The following KIAA1217 variants were observed in gnomAD, a reference collection of about 807,000 sequenced individuals.
The protein encoded by KIAA1217 is sickle tail protein homolog.
A neutral mutation model predicts 163.9 loss-of-function variants in KIAA1217; 88 were observed. The observed-to-expected ratio is 0.54, with a 90% CI of 0.45 to 0.64. KIAA1217 has a LOEUF of 0.64. Among genes scored for constraint, KIAA1217 ranks in the 30% least tolerant of loss-of-function variants. The probability of loss-of-function intolerance (pLI) is 0.00; values close to 1 mark genes in which losing one functional copy is unlikely to be tolerated. For missense variants in KIAA1217, 2,372 were observed against 2,475.0 expected, an observed-to-expected ratio of 0.96 and a Z score of 0.88; for synonymous variants, 903 against 923.1, an observed-to-expected ratio of 0.98 and a Z score of 0.39.
chr10:23,888,774 A>AT (rs1200936634), intron 1 of KIAA1217, among the ~76,000 whole-genome samples: 3 of 151,898 alleles, frequency 2.0e-5, no homozygotes, highest in Non-Finnish European at 4.4e-5. Flanking sequence ...AAAATGTAAA[A>AT]TTCCAACACC....
chr10:24,232,412 A>T (rs567500348), intron 2 of KIAA1217, among the ~76,000 whole-genome samples: 25 of 152,266 alleles, frequency 1.6e-4, no homozygotes, highest in African/African-American at 5.8e-4. Flanking sequence ...ATATCTTGAG[A>T]ACAGTGCTAT....
At chr10:24,397,955 C>A (rs1591600708) in intron 3 of KIAA1217, among the ~76,000 whole-genome samples, 1 of 152,252 alleles carries the variant, frequency 6.6e-6, no homozygotes, top group Non-Finnish European at 1.5e-5. Flanking sequence ...TGACATTGGG[C>A]AAGTTAATCA....
intron 2 of KIAA1217, among the ~76,000 whole-genome samples, chr10:24,341,132 A>G (rs576641022): frequency 6.8e-4 from 104 of 152,376 alleles, no homozygotes; most frequent in African/African-American, 2.3e-3. Context: ...CAAAATAACC[A>G]TCACAGTGCA....
At chr10:23,878,512 C>T (rs980544182) in intron 1 of KIAA1217, among the ~76,000 whole-genome samples, 1 of 151,766 alleles carries the variant, frequency 6.6e-6, no homozygotes, top group Non-Finnish European at 1.5e-5. Context: ...CCCTCTTGAG[C>T]CTGTATTTTG....
Position 24,346,427 on chromosome 10 carries a change from G to T in KIAA1217, c.355-34442G>T, listed in dbSNP as rs190656816. Among the ~76,000 whole-genome samples the T allele has an allele frequency of 7.6e-3, 1,156 of 151,954 alleles. 69 individuals are homozygous for T. In the East Asian group the frequency reaches 0.14, roughly 19 times the overall value. Reference sequence around the variant, plus strand: ...GCGGAGCTTGCAGTGAGCCGAGATCGTGCCACTGCACTCCAGCCTGGGGGA... The same window carrying T: ...GCGGAGCTTGCAGTGAGCCGAGATCTTGCCACTGCACTCCAGCCTGGGGGA... On this transcript the variant is annotated intron_variant, in intron 2 of 20. Transcript: ENST00000376454.
At chr10:23,720,520 A>G (rs1298933569) in intron 1 of KIAA1217, among the ~76,000 whole-genome samples, 1 of 152,116 alleles carries the variant, frequency 6.6e-6, no homozygotes, top group African/African-American at 2.4e-5. Context: ...GACTGATAGA[A>G]TGAACGAGGG....
At chr10:24,520,062 C>A in intron 10 of KIAA1217, 61 bp from the exon 11 acceptor site, 1 of 1,546,996 alleles carries the variant, frequency 6.5e-7, no homozygotes, top group Non-Finnish European at 8.8e-7. Context: ...CACTCGGCCC[C>A]TCCTCTTCCT....
At chr10:24,120,649 T>C (rs1032416432) in intron 2 of KIAA1217, among the ~76,000 whole-genome samples, 1 of 152,214 alleles carries the variant, frequency 6.6e-6, no homozygotes, top group African/African-American at 2.4e-5. Flanking sequence ...CTCAGTAGAC[T>C]TTGCCTTCTT....
At chr10:24,334,438 T>TAGAA (rs1313698943) in intron 2 of KIAA1217, among the ~76,000 whole-genome samples, 3,078 of 82,276 alleles carry the variant, frequency 0.037, 114 homozygotes, top group African/African-American at 0.1. Flanking sequence ...GAGGGAAGGA[T>TAGAA]GGAAGGAAGG....
upstream of KIAA1217, among the ~76,000 whole-genome samples, chr10:24,207,314 A>G (rs1335690990): frequency 6.6e-6 from 1 of 150,730 alleles, no homozygotes; most frequent in Non-Finnish European, 1.5e-5. Flanking sequence ...ACACACACAC[A>G]CATACTTTTC....
chr10:24,165,223 A>G (rs2065290126), intron 2 of KIAA1217, among the ~76,000 whole-genome samples: 1 of 152,200 alleles, frequency 6.6e-6, no homozygotes, highest in Non-Finnish European at 1.5e-5. Context: ...CCACCAGCCC[A>G]CAAGGCTCCC....
intron 1 of KIAA1217, among the ~76,000 whole-genome samples, chr10:23,943,460 G>A (rs2131339558): frequency 6.6e-6 from 1 of 152,266 alleles, no homozygotes; most frequent in East Asian, 1.9e-4. Context: ...ATTTCTGATA[G>A]GATAAATAGA....
chr10:24,370,106 A>T (rs1223579056), intron 2 of KIAA1217, among the ~76,000 whole-genome samples: 1 of 152,024 alleles, frequency 6.6e-6, no homozygotes, highest in Non-Finnish European at 1.5e-5. Context: ...TCTACTACAA[A>T]TATAAAAACT....
chr10:23,855,106 G>A (rs977199535), intron 1 of KIAA1217, among the ~76,000 whole-genome samples: 2 of 152,256 alleles, frequency 1.3e-5, no homozygotes, highest in East Asian at 3.9e-4. Flanking sequence ...TTTCTTCCTA[G>A]CCTCGATGGT....
intron 1 of KIAA1217, among the ~76,000 whole-genome samples, chr10:23,762,415 A>AC (rs1292841754): frequency 4.6e-5 from 7 of 152,198 alleles, no homozygotes; most frequent in African/African-American, 1.7e-4. Context: ...AAACTTATCT[A>AC]CCATGATCAA....
intron 1 of KIAA1217, among the ~76,000 whole-genome samples, chr10:23,775,141 G>T (rs1383116238): frequency 6.6e-6 from 1 of 152,166 alleles, no homozygotes; most frequent in African/African-American, 2.4e-5. Flanking sequence ...AAAAGCTGCT[G>T]CCCTTAGCTC....
intron 1 of KIAA1217, among the ~76,000 whole-genome samples, chr10:24,211,799 G>T (rs150097353): frequency 6.6e-6 from 1 of 151,900 alleles, no homozygotes; most frequent in African/African-American, 2.4e-5. Flanking sequence ...ATTAGCAGGC[G>T]GTGATAAGCC....
intron 3 of KIAA1217, among the ~76,000 whole-genome samples, chr10:24,400,939 C>A (rs1450031774): frequency 4.4e-5 from 6 of 135,138 alleles, no homozygotes; most frequent in Non-Finnish European, 8.9e-5. Flanking sequence ...TGAAAAATAA[C>A]ACAAAATTCC....
At chr10:24,368,397 G>A (rs1198893634) in intron 2 of KIAA1217, among the ~76,000 whole-genome samples, 1 of 151,732 alleles carries the variant, frequency 6.6e-6, no homozygotes, top group Non-Finnish European at 1.5e-5. Flanking sequence ...ATTCCCTCCC[G>A]CTATTCTTTT....
Sources: allele counts gnomAD v4.1 joint callset (sites outside exome capture counted in the v4.1 genomes callset), GRCh38; gene constraint gnomAD v4.1.1; transcripts MANE v1.5; gene names NCBI Gene and HGNC (gene_info 2026-07-23, HGNC 2026-07-21).